Variants in ROR1 observed in about 807,000 individuals in gnomAD.
The protein encoded by ROR1 is ROR family WNT receptor 1.
A neutral mutation model predicts 78.8 loss-of-function variants in ROR1; 19 were observed. That is an observed-to-expected ratio of 0.24 (90% CI 0.17 to 0.35). The LOEUF (loss-of-function observed/expected upper bound fraction) is 0.35, where lower values mean the gene tolerates loss of function less well. Among genes scored for constraint, ROR1 ranks in the 10% least tolerant of loss-of-function variants. The pLI is 1.00. For missense variants in ROR1, 917 were observed against 1,177.8 expected (o/e 0.78, Z 3.24); for synonymous variants, 386 against 433.6 (o/e 0.89, Z 1.36).
At chr1:64,005,140 C>T (rs1229333269) in intron 1 of ROR1, among the ~76,000 whole-genome samples, 2 of 152,156 alleles carry the variant, frequency 1.3e-5, no homozygotes, top group Non-Finnish European at 2.9e-5. Flanking sequence ...ATTTCAAATA[C>T]AGACAGTGAC....
intron 1 of ROR1, chr1:63,775,298 G>A (rs1444708121): frequency 6.6e-6 from 1 of 152,246 alleles, no homozygotes; most frequent in East Asian, 1.9e-4. Flanking sequence ...TTCACCGCAA[G>A]CCGGAGCGTC....
At chr1:64,092,547 G>A (rs1325241553) in intron 4 of ROR1, among the ~76,000 whole-genome samples, 1 of 152,168 alleles carries the variant, frequency 6.6e-6, no homozygotes, top group Non-Finnish European at 1.5e-5. Context: ...TAGAGAAGGA[G>A]GTGGTTGCAT....
At chr1:63,844,430 A>T (rs949925950) in intron 1 of ROR1, among the ~76,000 whole-genome samples, 1 of 152,164 alleles carries the variant, frequency 6.6e-6, no homozygotes, top group African/African-American at 2.4e-5. Context: ...AATATCTACT[A>T]ATAAGTCAGT....
chr1:64,093,699 A>T (rs1331189150), intron 4 of ROR1, among the ~76,000 whole-genome samples: 2 of 152,118 alleles, frequency 1.3e-5, no homozygotes, highest in African/African-American at 4.8e-5. Flanking sequence ...GGAAACTGAA[A>T]AACAGTGAGA....
intron 4 of ROR1, among the ~76,000 whole-genome samples, chr1:64,101,556 C>A (rs1647544409): frequency 3.3e-5 from 5 of 152,148 alleles, no homozygotes; most frequent in Admixed American, 3.3e-4. Flanking sequence ...TACTGTGAGC[C>A]AGCTCCTGTT....
chr1:63,929,323 G>C (rs2100441920), intron 1 of ROR1, among the ~76,000 whole-genome samples: 1 of 152,280 alleles, frequency 6.6e-6, no homozygotes, highest in Middle Eastern at 3.4e-3. Flanking sequence ...GTATGTGTGA[G>C]CATGTTTACC....
chr1:64,098,170 A>T (rs1647374044), intron 4 of ROR1, among the ~76,000 whole-genome samples: 1 of 152,078 alleles, frequency 6.6e-6, no homozygotes, highest in Non-Finnish European at 1.5e-5. Flanking sequence ...AAAGCCCCTG[A>T]TTTACTGGAT....
At chr1:63,802,500 G>A (rs953960028) in intron 1 of ROR1, among the ~76,000 whole-genome samples, 2 of 152,188 alleles carry the variant, frequency 1.3e-5, no homozygotes, top group Non-Finnish European at 2.9e-5. Context: ...AGAATTTAGA[G>A]GTGGGAAAAT....
At chr1:63,939,389 G>A (rs541890052) in intron 1 of ROR1, among the ~76,000 whole-genome samples, 1 of 151,462 alleles carries the variant, frequency 6.6e-6, no homozygotes, top group East Asian at 1.9e-4. Flanking sequence ...TCGAGAGGGT[G>A]GTATGCCAGG....
In ROR1 at chr1:64,159,012, G is replaced by T; in HGVS notation, c.1206G>T (p.Met402Ile). 1 of 1,614,130 alleles carries T rather than the reference G, an allele frequency of 6.2e-7. No homozygotes were observed. Among genetic ancestry groups the T allele is most frequent in the East Asian group, 2.2e-5 (1 of 44,876 alleles). ...AGGATTCCAAGGAGAAGAATAAAAT[G>T]GAAATCCTGTACATACTAGTGCCAA... ...DSKDSKEKNK[M>I]EILYILVPSV... Residue 402 changes from methionine (M) to isoleucine (I), a missense_variant, in exon 8 of 9, where the codon ATG becomes ATT. Physicochemically the swap from Met to Ile is conservative, Grantham distance 10. Around this residue, in one of 3 missense-constraint regions of ROR1, gnomAD observed 835 missense variants for 1,069.8 expected, o/e 0.78. Transcript: ENST00000371079.
intron 4 of ROR1, among the ~76,000 whole-genome samples, chr1:64,100,390 A>C (rs1413902087): frequency 6.6e-6 from 1 of 152,116 alleles, no homozygotes; most frequent in East Asian, 1.9e-4. Context: ...CAGGAGGCAC[A>C]GGTGGGAGGA....
At chr1:64,019,944 T>C (rs1006808227) in intron 2 of ROR1, among the ~76,000 whole-genome samples, 1 of 152,112 alleles carries the variant, frequency 6.6e-6, no homozygotes, top group East Asian at 1.9e-4. Flanking sequence ...CCTACAAGTG[T>C]CCTTATAAGA....
intron 1 of ROR1, among the ~76,000 whole-genome samples, chr1:63,903,660 G>T (rs964108126): frequency 2.0e-5 from 3 of 151,596 alleles, no homozygotes; most frequent in Non-Finnish European, 4.4e-5. Flanking sequence ...TAACTTTACT[G>T]TATTTGCTTT....
At chr1:64,152,986 G>A (rs1486711235) in intron 7 of ROR1, among the ~76,000 whole-genome samples, 1 of 152,114 alleles carries the variant, frequency 6.6e-6, no homozygotes, top group African/African-American at 2.4e-5. Flanking sequence ...TTGATCAAAT[G>A]TTTTGCTAAA....
intron 1 of ROR1, among the ~76,000 whole-genome samples, chr1:63,995,509 C>T (rs1242843276): frequency 6.6e-6 from 1 of 152,150 alleles, no homozygotes; most frequent in Admixed American, 6.5e-5. Context: ...TTGTCTTTTG[C>T]CTTCAGTTTC....
intron 2 of ROR1, among the ~76,000 whole-genome samples, chr1:64,011,524 T>G (rs1310535842): frequency 6.6e-6 from 1 of 152,188 alleles, no homozygotes; most frequent in African/African-American, 2.4e-5. Context: ...GAGCCAGCAG[T>G]CTAGAACCCA....
intron 1 of ROR1, among the ~76,000 whole-genome samples, chr1:63,794,698 C>T (rs549409161): frequency 6.6e-6 from 1 of 152,334 alleles, no homozygotes; most frequent in Admixed American, 6.5e-5. Context: ...CCCCTTCCAG[C>T]CCTAAATTTG....
chr1:64,161,961 G>C (rs376527601), intron 8 of ROR1, among the ~76,000 whole-genome samples: 111 of 152,194 alleles, frequency 7.3e-4, no homozygotes, highest in African/African-American at 1.7e-3. Context: ...AATGTAAACA[G>C]AAAATCTCTA....
At chr1:64,109,862 G>T (rs1648009674) in intron 4 of ROR1, among the ~76,000 whole-genome samples, 1 of 152,054 alleles carries the variant, frequency 6.6e-6, no homozygotes, top group Non-Finnish European at 1.5e-5. Flanking sequence ...GGTAGGGTGG[G>T]ATGGGCAGGA....
Sources: allele counts gnomAD v4.1 joint callset (sites outside exome capture counted in the v4.1 genomes callset), GRCh38; gene constraint gnomAD v4.1.1; regional missense constraint gnomAD v4.1.1; transcripts MANE v1.5; gene names NCBI Gene and HGNC (gene_info 2026-07-23, HGNC 2026-07-21).